Variants in CNNM1 observed in about 807,000 individuals in gnomAD.
The protein encoded by CNNM1 is metal transporter CNNM1.
CNNM1 carries 44 observed loss-of-function variants against 78.8 expected under a neutral mutation model. The observed-to-expected ratio is 0.56, with a 90% CI of 0.44 to 0.72. The LOEUF is 0.72. Ranked by LOEUF, CNNM1 falls within the 30% of genes least tolerant of loss-of-function variation. CNNM1 has a pLI of 0.00. For synonymous variants in CNNM1, 584 were observed against 581.5 expected (o/e 1.00, Z -0.06); for missense variants, 1,101 against 1,292.2 (o/e 0.85, Z 2.27).
At chr10:99,375,674 C>G (rs544580144) in intron 6 of CNNM1, among the ~76,000 whole-genome samples, 1 of 152,210 alleles carries the variant, frequency 6.6e-6, no homozygotes, top group African/African-American at 2.4e-5. Context: ...TAAATAGAGG[C>G]TAATCAAATA....
intron 1 of CNNM1, among the ~76,000 whole-genome samples, chr10:99,343,254 T>C (rs2030535600): frequency 6.6e-6 from 1 of 152,128 alleles, no homozygotes; most frequent in Non-Finnish European, 1.5e-5. Context: ...TGAGCCACCG[T>C]GACCGCCCGG....
chr10:99,333,789 C>G (rs2030039600), intron 1 of CNNM1, among the ~76,000 whole-genome samples: 1 of 152,316 alleles, frequency 6.6e-6, no homozygotes, highest in African/African-American at 2.4e-5. Flanking sequence ...ATCCCCAGCA[C>G]CTTACACACT....
At chr10:99,391,259 T>C (rs149242466) in intron 10 of CNNM1, among the ~76,000 whole-genome samples, 178 bp from the exon 11 acceptor site, 1 of 152,362 alleles carries the variant, frequency 6.6e-6, no homozygotes, top group East Asian at 1.9e-4. Context: ...CGTCCTAATC[T>C]TTCAAGATGT....
intron 1 of CNNM1, among the ~76,000 whole-genome samples, chr10:99,350,525 T>G (rs1029785688): frequency 6.6e-6 from 1 of 152,226 alleles, no homozygotes; most frequent in Non-Finnish European, 1.5e-5. Context: ...GCCTAAACCA[T>G]GTAGAATAGA....
At chr10:99,340,876 T>TCCTTCCTTCCGGCCTGCCTG (rs71009744) in intron 1 of CNNM1, among the ~76,000 whole-genome samples, 1 of 138,156 alleles carries the variant, frequency 7.2e-6, no homozygotes, top group Admixed American at 7.1e-5. Flanking sequence ...CTTCCTTCCT[T>TCCTTCCTTCCGGCCTGCCTG]CCTGCCTGCC....
At chr10:99,345,303 A>G (rs2134025349) in intron 1 of CNNM1, among the ~76,000 whole-genome samples, 1 of 152,296 alleles carries the variant, frequency 6.6e-6, no homozygotes, top group Non-Finnish European at 1.5e-5. Context: ...CAAAAATGAT[A>G]TGGAGAACAC....
At chr10:99,368,806 G>A (rs2031712877) in intron 6 of CNNM1, 1 of 531,762 alleles carries the variant, frequency 1.9e-6, no homozygotes, top group Non-Finnish European at 3.2e-6. Flanking sequence ...CTAAGGCATA[G>A]CACTTTGCAC....
At chr10:99,372,411 A>G (rs2031831805) in intron 6 of CNNM1, among the ~76,000 whole-genome samples, 1 of 152,170 alleles carries the variant, frequency 6.6e-6, no homozygotes, top group African/African-American at 2.4e-5. Flanking sequence ...GTCTGATGCA[A>G]GAGCAAGAGT....
At chr10:99,383,523 C>T (rs746076156) in intron 7 of CNNM1, among the ~76,000 whole-genome samples, 18 of 152,258 alleles carry the variant, frequency 1.2e-4, no homozygotes, top group African/African-American at 2.2e-4. Flanking sequence ...CCGCCCGCCT[C>T]GGCCTCCCAA....
chr10:99,362,506 C>G, intron 4 of CNNM1, 110 bp downstream of exon 4: 1 of 1,147,902 alleles, frequency 8.7e-7, no homozygotes, highest in African/African-American at 1.6e-5. Flanking sequence ...CTGGCTGCCT[C>G]AGCAACAAGG....
intron 5 of CNNM1, 104 bp downstream of exon 5, chr10:99,364,620 G>T: frequency 2.2e-6 from 2 of 924,884 alleles, no homozygotes; most frequent in Admixed American, 2.8e-5. Context: ...TAATCAGCCT[G>T]GACAAGCCAT....
chr10:99,331,952 TATAAC>T (rs2134009755), intron 1 of CNNM1, among the ~76,000 whole-genome samples: 1 of 152,320 alleles, frequency 6.6e-6, no homozygotes, highest in East Asian at 1.9e-4. Context: ...ATGTCATGCT[TATAAC>T]ATGTTTACTT....
intron 1 of CNNM1, among the ~76,000 whole-genome samples, chr10:99,333,722 A>G (rs1364865873): frequency 6.6e-6 from 1 of 152,182 alleles, no homozygotes; most frequent in Non-Finnish European, 1.5e-5. Flanking sequence ...GAGGTTAGCA[A>G]TATACAGGGC....
chr10:99,356,559 AGAC>A (rs1435716534), intron 1 of CNNM1, among the ~76,000 whole-genome samples: 1,842 of 97,404 alleles, frequency 0.019, 12 homozygotes, highest in African/African-American at 0.04. Flanking sequence ...ACAGACAGAC[AGAC>A]AGAAAGAAAG....
In CNNM1 at chr10:99,330,556, C is replaced by T. The variant is rs770800682; in HGVS notation, c.1169C>T (p.Thr390Ile). ...LDWALRQEIS[T>I]FYTREKLLET... is the part of the protein sequence containing the mutation. Reference sequence around the variant, plus strand: ...TGGGCGCTGCGCCAGGAGATAAGCACCTTCTACACGCGGGAGAAGTTGCTG... The same window carrying T: ...TGGGCGCTGCGCCAGGAGATAAGCATCTTCTACACGCGGGAGAAGTTGCTG... Residue 390 changes from threonine (T) to isoleucine (I), a missense_variant, in exon 1 of 11, where the codon ACC (threonine) becomes ATC (isoleucine). This residue lies in a region of CNNM1 where 277 missense variants were observed against 423.2 expected (regional missense o/e 0.65). Coordinates refer to ENST00000356713, the MANE Select transcript of CNNM1 (RefSeq NM_020348.3). 7 of 1,604,316 alleles carry T rather than the reference C, an allele frequency of 4.4e-6. No homozygotes were observed. In the East Asian group the frequency reaches 1.1e-4, roughly 26 times the overall value.
At chr10:99,351,148 A>C (rs1259916235) in intron 1 of CNNM1, among the ~76,000 whole-genome samples, 1 of 152,230 alleles carries the variant, frequency 6.6e-6, no homozygotes, top group Non-Finnish European at 1.5e-5. Flanking sequence ...AGTAACCAGT[A>C]CTAGGACTGC....
chr10:99,368,812 T>C, intron 6 of CNNM1: 1 of 505,176 alleles, frequency 2.0e-6, no homozygotes, highest in South Asian at 1.7e-5. Context: ...CATAGCACTT[T>C]GCACAAATAG....
At chr10:99,349,044 T>C (rs2030826457) in intron 1 of CNNM1, among the ~76,000 whole-genome samples, 1 of 152,198 alleles carries the variant, frequency 6.6e-6, no homozygotes, top group African/African-American at 2.4e-5. Context: ...CACTCCAACC[T>C]GGGCAACAGA....
At chr10:99,373,341 C>T (rs901050631) in intron 6 of CNNM1, among the ~76,000 whole-genome samples, 1 of 152,172 alleles carries the variant, frequency 6.6e-6, no homozygotes, top group Non-Finnish European at 1.5e-5. Context: ...ACACTCTCTT[C>T]CCTTGGTTAT....
Sources: allele counts gnomAD v4.1 joint callset (sites outside exome capture counted in the v4.1 genomes callset), GRCh38; gene constraint gnomAD v4.1.1; regional missense constraint gnomAD v4.1.1; transcripts MANE v1.5; gene names NCBI Gene and HGNC (gene_info 2026-07-23, HGNC 2026-07-21).